KIFAP3: variants seen among roughly 807,000 people sequenced by gnomAD.
KIFAP3 encodes kinesin associated protein 3.
KIFAP3 carries 68 observed loss-of-function variants against 106.5 expected under a neutral mutation model. That is an observed-to-expected ratio of 0.64 (90% confidence interval 0.53 to 0.78). KIFAP3 has a LOEUF of 0.78. KIFAP3 is among the 30% of genes least tolerant of loss of function. KIFAP3 has a pLI of 0.00. For missense variants in KIFAP3, 780 were observed against 941.8 expected (o/e 0.83, Z 2.25); for synonymous variants, 320 against 311.5 (o/e 1.03, Z -0.29).
At chr1:170,047,635 A>AG (rs1466493224) in intron 2 of KIFAP3, among the ~76,000 whole-genome samples, 3 of 151,276 alleles carry the variant, frequency 2.0e-5, no homozygotes, top group African/African-American at 7.3e-5. Context: ...AAAAAAAAAA[A>AG]AAAAAAAAAG....
At chr1:170,073,881 A>T (rs1222432308) in intron 1 of KIFAP3, among the ~76,000 whole-genome samples, 1 of 152,218 alleles carries the variant, frequency 6.6e-6, no homozygotes, top group Admixed American at 6.5e-5. Context: ...TCCTACAAAA[A>T]TTATGTTGTA....
At chr1:169,985,466 G>C (rs1379832306) in intron 11 of KIFAP3, among the ~76,000 whole-genome samples, 1 of 151,808 alleles carries the variant, frequency 6.6e-6, no homozygotes, top group East Asian at 1.9e-4. Flanking sequence ...ATGACTTCTG[G>C]ATTTATGCAC....
rs913555174 is a variant in KIFAP3 at position 169,944,658 on chromosome 1, T to C, written c.2273+9353A>G. On this transcript the variant is annotated intron_variant, in intron 19 of 19. Transcript: ENST00000361580. The stretch of plus-strand genomic sequence containing the variant: ...TAAGCAAAGGGGAAGAGGAGCTCCA[T>C]TGAGTGACAGAACAGCTCTCAGGAG... 3.9e-5 allele frequency among the ~76,000 whole-genome samples: 6 copies of C among 152,212 alleles called. No homozygotes were observed. The East Asian group carries it at 9.7e-4, about 25-fold the overall frequency.
chr1:169,987,427 C>T (rs1020370923), intron 11 of KIFAP3, among the ~76,000 whole-genome samples: 1 of 151,976 alleles, frequency 6.6e-6, no homozygotes, highest in Non-Finnish European at 1.5e-5. Context: ...AGAGGCCAAC[C>T]CCCACAGCTC....
intron 19 of KIFAP3, among the ~76,000 whole-genome samples, chr1:169,942,910 G>GCA (rs57242537): frequency 9.5e-6 from 1 of 105,808 alleles, no homozygotes; most frequent in Non-Finnish European, 1.9e-5. Context: ...TTTTAAAGAC[G>GCA]CCCCCCCCCA....
At chr1:169,968,549 T>C (rs1665748279) in intron 17 of KIFAP3, among the ~76,000 whole-genome samples, 1 of 151,954 alleles carries the variant, frequency 6.6e-6, no homozygotes, top group South Asian at 2.1e-4. Flanking sequence ...TTAATTTAGT[T>C]GCTCATTAAA....
At chr1:169,932,950 A>T (rs1376144144) in intron 19 of KIFAP3, among the ~76,000 whole-genome samples, 1 of 152,018 alleles carries the variant, frequency 6.6e-6, no homozygotes, top group African/African-American at 2.4e-5. Flanking sequence ...ATAATAGTCA[A>T]ATTACATTTG....
chr1:169,962,240 T>C (rs1210313975), intron 17 of KIFAP3, among the ~76,000 whole-genome samples: 1 of 152,198 alleles, frequency 6.6e-6, no homozygotes, highest in East Asian at 1.9e-4. Context: ...TAAACTCCTA[T>C]GGAGCAAGAT....
chr1:169,956,038 AAAACTAAC>A (rs1359873306), intron 18 of KIFAP3, among the ~76,000 whole-genome samples: 3 of 152,158 alleles, frequency 2.0e-5, no homozygotes, highest in Non-Finnish European at 4.4e-5. Context: ...GAAAGTGGCT[AAAACTAAC>A]AAACTAACAA....
intron 1 of KIFAP3, among the ~76,000 whole-genome samples, chr1:170,072,577 T>G (rs866259053): frequency 6.6e-6 from 1 of 152,004 alleles, no homozygotes; most frequent in Non-Finnish European, 1.5e-5. Flanking sequence ...CCAAAACACA[T>G]AGAGATTCAA....
intron 19 of KIFAP3, among the ~76,000 whole-genome samples, chr1:169,922,234 CAT>C (rs1662867047): frequency 6.6e-6 from 1 of 152,116 alleles, no homozygotes; most frequent in African/African-American, 2.4e-5. Flanking sequence ...TTAGTAAAAA[CAT>C]GTGTTTGAGT....
intron 19 of KIFAP3, among the ~76,000 whole-genome samples, chr1:169,930,798 T>A (rs1365396291): frequency 6.6e-6 from 1 of 152,238 alleles, no homozygotes; most frequent in Non-Finnish European, 1.5e-5. Flanking sequence ...CTTAGTCATA[T>A]AAATTTCTGT....
At chr1:169,931,778 T>C (rs1336268401) in intron 19 of KIFAP3, among the ~76,000 whole-genome samples, 1 of 152,172 alleles carries the variant, frequency 6.6e-6, no homozygotes, top group East Asian at 1.9e-4. Flanking sequence ...CTAGAGAATA[T>C]CATGTAAGTA....
chr1:170,060,119 C>T (rs555996144), intron 1 of KIFAP3, among the ~76,000 whole-genome samples: 1 of 152,222 alleles, frequency 6.6e-6, no homozygotes, highest in East Asian at 1.9e-4. Flanking sequence ...GACAGGGATG[C>T]CCTCTCTCAC....
intron 6 of KIFAP3, 91 bp from the exon 7 acceptor site, chr1:170,034,587 T>C: frequency 3.4e-6 from 2 of 582,274 alleles, no homozygotes; most frequent in Non-Finnish European, 5.6e-6. Context: ...ACGAACCATG[T>C]AGAAAATAAA....
chr1:170,048,191 T>C (rs754188482), intron 2 of KIFAP3, among the ~76,000 whole-genome samples: 8 of 152,144 alleles, frequency 5.3e-5, no homozygotes, highest in Non-Finnish European at 7.4e-5. Context: ...ACAAGCTATG[T>C]AATAGCTTTT....
intron 18 of KIFAP3, among the ~76,000 whole-genome samples, chr1:169,960,832 G>A (rs79794433): frequency 0.014 from 2,072 of 149,452 alleles, 55 homozygotes; most frequent in African/African-American, 0.046. Context: ...TTGCTACAGC[G>A]TTTTAGGGAG....
At chr1:170,067,713 T>C (rs538636404) in intron 1 of KIFAP3, 1 of 152,340 alleles carries the variant, frequency 6.6e-6, no homozygotes, top group Non-Finnish European at 1.5e-5. Context: ...CTTATCAGGA[T>C]AGTGCAGCTA....
chr1:170,016,728 T>A, intron 9 of KIFAP3, 104 bp from the exon 10 acceptor site: 1 of 636,272 alleles, frequency 1.6e-6, no homozygotes, highest in Non-Finnish European at 2.5e-6. Flanking sequence ...ATATCTGTTT[T>A]ATAATTATAT....
Sources: allele counts gnomAD v4.1 joint callset (sites outside exome capture counted in the v4.1 genomes callset), GRCh38; gene constraint gnomAD v4.1.1; transcripts MANE v1.5; gene names NCBI Gene and HGNC (gene_info 2026-07-23, HGNC 2026-07-21).